The following ZC3H7B variants were observed in gnomAD, a reference collection of about 807,000 sequenced individuals.
The protein encoded by ZC3H7B is zinc finger CCCH-type containing 7B.
A neutral mutation model predicts 116.0 loss-of-function variants in ZC3H7B; 35 were observed. The ratio of observed to expected loss-of-function variants is 0.30; its 90% CI spans 0.23 to 0.40. ZC3H7B has a LOEUF of 0.40. Ranked by LOEUF, ZC3H7B falls within the 10% of genes least tolerant of loss-of-function variation. The probability of loss-of-function intolerance (pLI) is 1.00; values close to 1 mark genes in which losing one functional copy is unlikely to be tolerated. For synonymous variants in ZC3H7B, 502 were observed against 545.6 expected, an observed-to-expected ratio of 0.92 and a Z score of 1.11; for missense variants, 1,011 against 1,321.5, an observed-to-expected ratio of 0.77 and a Z score of 3.64.
chr22:41,354,691 A>C (rs2036690920), intron 17 of ZC3H7B, among the ~76,000 whole-genome samples: 3 of 152,212 alleles, frequency 2.0e-5, no homozygotes, highest in African/African-American at 7.2e-5. Context: ...AGGGGGTTCA[A>C]GGTGGCAGGA....
At chr22:41,341,210 TG>T (rs2036518677) in intron 11 of ZC3H7B, 64 bp downstream of exon 11, 1 of 1,595,208 alleles carries the variant, frequency 6.3e-7, no homozygotes, top group Non-Finnish European at 8.6e-7. Context: ...GTTCTAGAGT[TG>T]GGGAATGAGC....
intron 13 of ZC3H7B, among the ~76,000 whole-genome samples, chr22:41,345,354 G>T (rs1303965153): frequency 1.3e-5 from 2 of 152,144 alleles, no homozygotes; most frequent in Non-Finnish European, 2.9e-5. Context: ...GGGAGGCCGA[G>T]GGGGGTGGAT....
At position 41,339,962 on chromosome 22, in the gene ZC3H7B, C is replaced by T. The variant is rs376499544; in HGVS notation, c.963C>T (p.Phe321=). The T allele has an allele frequency of 3.2e-5, 52 of 1,612,480 alleles. No individual in the cohort carries two copies. Among genetic ancestry groups the T allele is most frequent in the Non-Finnish European group, 4.2e-5 (50 of 1,180,010 alleles). ...PVSSPLPPAS[F]GLVMDPSKKL... The stretch of plus-strand genomic sequence containing the variant: ...CCAGCCCACTGCCCCCCGCCTCCTT[C>T]GGCTTGGTCATGGACCCCTCCAAGA... Residue 321 remains phenylalanine (F), a synonymous_variant, in exon 10 of 23, where the codon TTC becomes TTT. Transcript: ENST00000352645.
At chr22:41,355,901 GC>G in intron 19 of ZC3H7B, 39 bp downstream of exon 19, 1 of 1,610,854 alleles carries the variant, frequency 6.2e-7, no homozygotes, top group Non-Finnish European at 8.5e-7. Context: ...CCCCCAGGAG[GC>G]AGCGATGCTT....
intron 2 of ZC3H7B, among the ~76,000 whole-genome samples, chr22:41,321,829 C>CT (rs199611879): frequency 0.32 from 28,928 of 89,440 alleles, 10,730 homozygotes; most frequent in Non-Finnish European, 0.4. Context: ...AACTCACATT[C>CT]TTTTTTTTTT....
Position 41,348,277 on chromosome 22 carries a change from A to C in ZC3H7B, c.1766+110A>C. 7.5e-6 allele frequency: 7 copies of C among 936,376 alleles called. No homozygotes were observed. The South Asian group carries it at 1.0e-4, about 13-fold the overall frequency. 58.0% of individuals were successfully genotyped at this position (936,376 alleles called of 1,614,324 possible). A position where few individuals can be genotyped will look rare whatever the true frequency, so the allele number is the denominator to read the frequency against. On this transcript the variant is annotated intron_variant, in intron 15 of 22. Transcript: ENST00000352645. ...AACTGAAAGGGTGGATGTAGGGTGC[A>C]AGGAAAGGGGCAGAATTTGGGAATC...
Position 41,355,840 on chromosome 22 carries a change from G to C in ZC3H7B, c.2252G>C (p.Arg751Pro). 1 of 1,613,724 alleles carries C rather than the reference G, an allele frequency of 6.2e-7. No individual in the cohort carries two copies. ...WVSVRPLPSI[R>P]NFPQQYDLCI... is the part of the protein sequence containing the mutation. ...TCAGTGAGGCCACTGCCATCCATTCGTAACTTCCCACAGCAATACGATGTG... is the reference window on the plus strand; with the variant it reads ...TCAGTGAGGCCACTGCCATCCATTCCTAACTTCCCACAGCAATACGATGTG... Residue 751 changes from arginine (R) to proline (P), a missense_variant, in exon 19 of 23, where the codon CGT becomes CCT. Around this residue, in one of 5 missense-constraint regions of ZC3H7B, gnomAD observed 406 missense variants for 590.2 expected, o/e 0.69. Transcript: ENST00000352645.
Position 41,338,294 on chromosome 22 carries a change from T to C in ZC3H7B, c.583-19T>C, listed in dbSNP as rs1344313837. ...GGGGCCTTCCCAGCCACAGCGCCAC[T>C]GTGGCCCTCTCCCCACAGGGAACTT... On this transcript the variant is annotated intron_variant, in intron 7 of 22. Coordinates refer to ENST00000352645, the MANE Select transcript of ZC3H7B (RefSeq NM_017590.6). The surrounding 1 kb of genome is among the most constrained non-coding windows in gnomAD (Gnocchi z 4.5). The C allele has an allele frequency of 6.2e-7, 1 of 1,611,156 alleles. No homozygotes were observed. Among genetic ancestry groups the C allele is most frequent in the Non-Finnish European group, 8.5e-7 (1 of 1,179,528 alleles).
intron 1 of ZC3H7B, among the ~76,000 whole-genome samples, chr22:41,319,568 TAAAAAAAAAA>T (rs71202700): frequency 3.0e-5 from 2 of 65,664 alleles, no homozygotes; most frequent in South Asian, 4.4e-4. Flanking sequence ...AGTCTCCGGC[TAAAAAAAAAA>T]AAAAAAAAAA....
Position 41,325,796 on chromosome 22 carries a change from G to A in ZC3H7B, c.163G>A (p.Ala55Thr). Residue 55 changes from alanine to threonine, a missense_variant, in exon 4 of 23, where the codon GCT becomes ACT. By Grantham distance (58) the Ala-to-Thr change is moderately conservative (BLOSUM62 0). Around this residue, in one of 5 missense-constraint regions of ZC3H7B, gnomAD observed 322 missense variants for 443.9 expected, o/e 0.73. Transcript: ENST00000352645. ...GTTCCGGGAGAAGGACTATAAGCAG[G>A]CTCTGGTGCAGTACATGGAAGGGCT... ...DLFREKDYKQ[A>T]LVQYMEGLNV... 6.2e-7 allele frequency: 1 copy of A among 1,613,882 alleles called. No individual in the cohort carries two copies.
rs1180257909 is a variant in ZC3H7B, at chr22:41,357,595, G to A, written c.*166G>A. On this transcript the variant is annotated 3_prime_UTR_variant, in exon 23 of 23. Transcript: ENST00000352645. The surrounding 1 kb of genome is among the most constrained non-coding windows in gnomAD (Gnocchi z 5.4). ...ATCTTCTCCCCACCACCGCCCCGGT[G>A]TGCGTACCCAGGCGCACGTGCTGCA... 81 of 1,016,614 alleles carry A rather than the reference G, an allele frequency of 8.0e-5. No individual in the cohort carries two copies. Among genetic ancestry groups the A allele is most frequent in the Non-Finnish European group, 1.1e-4 (78 of 719,282 alleles). The allele number at this position is 1,016,614 out of a possible 1,614,324, so 63.0% of individuals were successfully genotyped here. A position where few individuals can be genotyped will look rare whatever the true frequency, so the allele number is the denominator to read the frequency against.
chr22:41,339,236 C>T lies in ZC3H7B; in HGVS notation c.816+45C>T, dbSNP rs538806349. On this transcript the variant is annotated intron_variant, in intron 9 of 22. Coordinates refer to ENST00000352645, the MANE Select transcript of ZC3H7B (RefSeq NM_017590.6). ...TTGTGCTCCCCTGATCCCCTCTCCC[C>T]GCTGTGTCCCCATTGTCCCAGGGGT... The T allele has an allele frequency of 1.3e-4, 195 of 1,551,922 alleles. 1 individual carries two copies. The South Asian group carries it at 1.5e-3, about 12-fold the overall frequency.
rs1194971982 is a variant in ZC3H7B at position 41,325,794 on chromosome 22, A to T, written c.161A>T (p.Gln54Leu). The change falls in exon 4 of 23, where the codon CAG becomes CTG. Residue 54 changes from glutamine (Q) to leucine (L), a missense_variant. Gln to Leu is a moderately radical substitution (Grantham distance 113). Coordinates refer to ENST00000352645, the MANE Select transcript of ZC3H7B (RefSeq NM_017590.6). ...CTGTTCCGGGAGAAGGACTATAAGC[A>T]GGCTCTGGTGCAGTACATGGAAGGG... ...NDLFREKDYKQALVQYMEGLN... is the reference protein window; with the variant it reads ...NDLFREKDYKLALVQYMEGLN... 6.2e-7 allele frequency: 1 copy of T among 1,613,916 alleles called. No homozygotes were observed. The highest frequency in any genetic ancestry group is 2.2e-5 in the East Asian group (1 of 44,880).
intron 13 of ZC3H7B, among the ~76,000 whole-genome samples, chr22:41,344,641 G>GT (rs2036562799): frequency 1.3e-5 from 2 of 152,158 alleles, no homozygotes; most frequent in Non-Finnish European, 2.9e-5. Flanking sequence ...TCTGTGGCCT[G>GT]TTTGTCCTTG....
At position 41,344,214 on chromosome 22, in the gene ZC3H7B, C is replaced by T. The variant is rs997417678; in HGVS notation, c.1459+638C>T. Among the ~76,000 whole-genome samples, 8 of 152,180 alleles carry T rather than the reference C, an allele frequency of 5.3e-5. No homozygotes were observed. In the East Asian group the frequency reaches 5.8e-4, roughly 11 times the overall value. ...AGCCTCACAGCTCTGGAGGAGGAAA[C>T]GGAGGCTTTGAGAGTGCACCCACGG... On this transcript the variant is annotated intron_variant, in intron 13 of 22. Coordinates refer to ENST00000352645, the MANE Select transcript of ZC3H7B (RefSeq NM_017590.6).
intron 6 of ZC3H7B, among the ~76,000 whole-genome samples, chr22:41,330,524 C>T (rs771643775): frequency 5.9e-5 from 9 of 152,246 alleles, no homozygotes; most frequent in Non-Finnish European, 1.2e-4. Context: ...AAGGGAAACT[C>T]GTGACTCGAG....
At chr22:41,333,021 C>T (rs948670329) in intron 7 of ZC3H7B, 1 of 152,240 alleles carries the variant, frequency 6.6e-6, no homozygotes, top group Non-Finnish European at 1.5e-5. Flanking sequence ...CTCAGGTAGA[C>T]TTTGAGGCTT....
rs1014888466 is a variant in ZC3H7B, at chr22:41,327,813, T to C, written c.444+449T>C. Among the ~76,000 whole-genome samples, 1 of 152,162 alleles carries C rather than the reference T, an allele frequency of 6.6e-6. No individual in the cohort carries two copies. Among genetic ancestry groups the C allele is most frequent in the Non-Finnish European group, 1.5e-5 (1 of 68,036 alleles). ...TGGCGTGTGCCTGTTTTGCTAATTC[T>C]GTTTAGTTCACAATTAAGACCCTTT... On this transcript the variant is annotated intron_variant, in intron 5 of 22. Coordinates refer to ENST00000352645, the MANE Select transcript of ZC3H7B (RefSeq NM_017590.6). This position sits in a 1 kb window ranked among gnomAD's most constrained non-coding sequence, Gnocchi z 4.5.
At chr22:41,332,356 G>A (rs1412432449) in intron 7 of ZC3H7B, 129 bp downstream of exon 7, 36 of 1,108,262 alleles carry the variant, frequency 3.2e-5, no homozygotes, top group South Asian at 1.0e-4. Flanking sequence ...GGTACCTCCC[G>A]TGTCCACGGG....
Sources: allele counts gnomAD v4.1 joint callset (sites outside exome capture counted in the v4.1 genomes callset), GRCh38; gene constraint gnomAD v4.1.1; regional missense constraint gnomAD v4.1.1; non-coding constraint Gnocchi (gnomAD v3.1); transcripts MANE v1.5; gene names NCBI Gene and HGNC (gene_info 2026-07-23, HGNC 2026-07-21).